The following KLHL29 variants were observed in gnomAD, a reference collection of about 807,000 sequenced individuals.
KLHL29 encodes kelch-like protein 29.
In KLHL29, 21 loss-of-function variants were observed where a neutral mutation model predicts 80.4. The ratio of observed to expected loss-of-function variants is 0.26; its 90% CI spans 0.19 to 0.38. The LOEUF is 0.38. Among genes scored for constraint, KLHL29 ranks in the 10% least tolerant of loss-of-function variants. The pLI is 1.00. For synonymous variants in KLHL29, 511 were observed against 526.8 expected (o/e 0.97, Z 0.41); for missense variants, 867 against 1,223.9 (o/e 0.71, Z 4.35).
chr2:23,517,727 G>T (rs1665982212), intron 2 of KLHL29, among the ~76,000 whole-genome samples: 1 of 152,190 alleles, frequency 6.6e-6, no homozygotes, highest in Non-Finnish European at 1.5e-5. Flanking sequence ...CCGCTGAATG[G>T]ATGGCTGCCC....
intron 1 of KLHL29, among the ~76,000 whole-genome samples, chr2:23,422,897 CA>C (rs1662863495): frequency 6.6e-6 from 1 of 152,262 alleles, no homozygotes; most frequent in African/African-American, 2.4e-5. Context: ...ATTCCCCATT[CA>C]GTGCTGAGCC....
intron 1 of KLHL29, among the ~76,000 whole-genome samples, chr2:23,436,242 C>G (rs1663336932): frequency 6.6e-6 from 1 of 150,458 alleles, no homozygotes; most frequent in African/African-American, 2.5e-5. Context: ...ACTCAGTAAA[C>G]ATCCATGGAT....
chr2:23,603,131 A>C (rs953192834), intron 3 of KLHL29, among the ~76,000 whole-genome samples: 10 of 152,168 alleles, frequency 6.6e-5, no homozygotes, highest in Non-Finnish European at 1.0e-4. Context: ...ACCCCAGGGC[A>C]AACAAGGGCT....
chr2:23,468,142 A>G (rs1664401319), intron 1 of KLHL29, among the ~76,000 whole-genome samples: 1 of 152,054 alleles, frequency 6.6e-6, no homozygotes, highest in South Asian at 2.1e-4. Context: ...TATCATCCCC[A>G]TTGTATAGAA....
At chr2:23,620,027 G>C (rs552555747) in intron 3 of KLHL29, among the ~76,000 whole-genome samples, 2 of 152,348 alleles carry the variant, frequency 1.3e-5, no homozygotes, top group African/African-American at 4.8e-5. Context: ...AGGGAGGCCA[G>C]AGAAGGGAGC....
chr2:23,610,090 C>T (rs1167033130), intron 3 of KLHL29, among the ~76,000 whole-genome samples: 6 of 152,190 alleles, frequency 3.9e-5, no homozygotes, highest in Non-Finnish European at 7.3e-5. Flanking sequence ...GTCCTCATCC[C>T]TGGCTGGCCA....
intron 1 of KLHL29, among the ~76,000 whole-genome samples, chr2:23,385,997 A>T (rs904245968): frequency 6.7e-6 from 1 of 150,308 alleles, no homozygotes; most frequent in African/African-American, 2.5e-5. Flanking sequence ...CCAGGGGGAA[A>T]AAAAGGGGGG....
At chr2:23,423,841 C>A (rs1430635806) in intron 1 of KLHL29, among the ~76,000 whole-genome samples, 1 of 152,244 alleles carries the variant, frequency 6.6e-6, no homozygotes, top group South Asian at 2.1e-4. Context: ...GGCTCCTCCA[C>A]CACACATATG....
chr2:23,385,885 C>G (rs1354627141), intron 1 of KLHL29, 105 bp downstream of exon 1: 1 of 152,258 alleles, frequency 6.6e-6, no homozygotes. Context: ...GGAGCGGGGC[C>G]GGAACCCGGA....
At chr2:23,424,608 A>G (rs1158480399) in intron 1 of KLHL29, among the ~76,000 whole-genome samples, 1 of 152,232 alleles carries the variant, frequency 6.6e-6, no homozygotes, top group African/African-American at 2.4e-5. Flanking sequence ...AGTTGTGATC[A>G]TCTATCTGAT....
At chr2:23,471,881 AGT>A (rs1644057515) in intron 1 of KLHL29, among the ~76,000 whole-genome samples, 1 of 152,172 alleles carries the variant, frequency 6.6e-6, no homozygotes, top group African/African-American at 2.4e-5. Context: ...AAGATTTTAC[AGT>A]GTTAACTTGG....
At chr2:23,496,010 G>A (rs969855261) in intron 2 of KLHL29, among the ~76,000 whole-genome samples, 3 of 152,132 alleles carry the variant, frequency 2.0e-5, no homozygotes, top group African/African-American at 7.2e-5. Flanking sequence ...CCCTCAGCCC[G>A]AGCTGCAGCC....
chr2:23,510,723 C>T (rs903239012), intron 2 of KLHL29, among the ~76,000 whole-genome samples: 7 of 152,298 alleles, frequency 4.6e-5, no homozygotes, highest in East Asian at 3.9e-4. Context: ...AGAGGGAGGG[C>T]GGCTCCTGCC....
At chr2:23,659,808 T>C (rs1296718020) in intron 5 of KLHL29, among the ~76,000 whole-genome samples, 2 of 151,812 alleles carry the variant, frequency 1.3e-5, no homozygotes, top group Admixed American at 6.6e-5. Context: ...CTCTGTGGTC[T>C]CAGTTCTCCC....
intron 11 of KLHL29, among the ~76,000 whole-genome samples, chr2:23,699,542 C>G (rs1672224284): frequency 6.6e-6 from 1 of 152,340 alleles, no homozygotes; most frequent in East Asian, 1.9e-4. Context: ...TGCTGAACCC[C>G]AAGTCTGCTT....
chr2:23,450,174 C>T (rs1020918721), intron 1 of KLHL29, among the ~76,000 whole-genome samples: 10 of 152,074 alleles, frequency 6.6e-5, no homozygotes, highest in Middle Eastern at 3.4e-3. Flanking sequence ...TTCATCATGA[C>T]GGCAGCACCG....
chr2:23,649,252 C>A (rs1159384458), intron 5 of KLHL29, among the ~76,000 whole-genome samples: 1 of 152,212 alleles, frequency 6.6e-6, no homozygotes, highest in Admixed American at 6.5e-5. Context: ...GATACACACA[C>A]CCTCCTCCAG....
chr2:23,705,958 C>A lies in KLHL29; in HGVS notation c.2445-523C>A, dbSNP rs7600492. ...CCAGGCACAGCCATCGGTCACCCTGCAGAGCATGCCCGGCCCTTGCAATCC... is the reference window on the plus strand; with the variant it reads ...CCAGGCACAGCCATCGGTCACCCTGAAGAGCATGCCCGGCCCTTGCAATCC... On this transcript the variant is annotated intron_variant, in intron 13 of 13. Coordinates refer to ENST00000486442, the MANE Select transcript of KLHL29 (RefSeq NM_052920.2). Among the ~76,000 whole-genome samples, 509 of 152,344 alleles carry A rather than the reference C, an allele frequency of 3.3e-3. 3 individuals are homozygous for A. The highest frequency in any genetic ancestry group is 0.011 in the African/African-American group (473 of 41,570).
intron 3 of KLHL29, among the ~76,000 whole-genome samples, chr2:23,623,263 A>C (rs954153084): frequency 6.6e-6 from 1 of 152,066 alleles, no homozygotes; most frequent in Non-Finnish European, 1.5e-5. Flanking sequence ...AGCATCCCTC[A>C]TGGACCCTAC....
Sources: allele counts gnomAD v4.1 joint callset (sites outside exome capture counted in the v4.1 genomes callset), GRCh38; gene constraint gnomAD v4.1.1; transcripts MANE v1.5; gene names NCBI Gene and HGNC (gene_info 2026-07-23, HGNC 2026-07-21).